Variants in PTX4 observed in about 807,000 individuals in gnomAD.
The protein encoded by PTX4 is pentraxin-4.
PTX4 carries 23 observed loss-of-function variants against 19.1 expected under a neutral mutation model. That is an observed-to-expected ratio of 1.20 (90% CI 0.87 to 1.70). PTX4 has a LOEUF of 1.70. Ranked by LOEUF, PTX4 falls within the 40% of genes most tolerant of loss-of-function variation. PTX4 has a pLI of 0.00. For synonymous variants in PTX4, 317 were observed against 279.6 expected, an observed-to-expected ratio of 1.13 and a Z score of -1.33; for missense variants, 678 against 610.5, an observed-to-expected ratio of 1.11 and a Z score of -1.17.
At chr16:1,488,072 C>A in intron 1 of PTX4, 102 bp from the exon 2 acceptor site, 1 of 1,252,412 alleles carries the variant, frequency 8.0e-7, no homozygotes. Context: ...GGCCGCGTGC[C>A]CGGGCCACGG....
rs771532922 is a variant in PTX4 at position 1,485,971 on chromosome 16, C to T, written c.1405G>A (p.Ala469Thr). 1.2e-6 allele frequency: 2 copies of T among 1,609,752 alleles called. No homozygotes were observed. The highest frequency in any genetic ancestry group is 1.7e-6 in the Non-Finnish European group (2 of 1,179,366). ...AALAGGFVQG[A>T]NCTCLERCP ...CAGCGTTCCAGGCAGGTGCAGTTGG[C>T]CCCCTGCACAAATCCGCCTGCTAGT... The change falls in exon 3 of 3, where the codon GCC (alanine) becomes ACC (threonine). Residue 469 changes from alanine to threonine, a missense_variant. Coordinates refer to ENST00000447419, the MANE Select transcript of PTX4 (RefSeq NM_001328608.2).
chr16:1,487,795 G>A lies in PTX4; in HGVS notation c.317C>T (p.Ala106Val). Residue 106 changes from alanine (A) to valine (V), a missense_variant, in exon 2 of 3, where the codon GCC (alanine) becomes GTC (valine). Ala to Val is a moderately conservative substitution (Grantham distance 64, BLOSUM62 0). Coordinates refer to ENST00000447419, the MANE Select transcript of PTX4 (RefSeq NM_001328608.2). ...TCGGCGCTGCAGCTTCCTCACCCAG[G>A]CCTTGAGCTGCGCCAGCTCCCCCTG... ...SVQGELAQLK[A>V]WVRKLQRRGR... 4.3e-6 allele frequency: 7 copies of A among 1,612,938 alleles called. No homozygotes were observed. The highest frequency in any genetic ancestry group is 5.1e-6 in the Non-Finnish European group (6 of 1,179,826).
intron 2 of PTX4, among the ~76,000 whole-genome samples, chr16:1,486,805 C>T (rs973430020): frequency 3.9e-5 from 6 of 152,200 alleles, no homozygotes; most frequent in Admixed American, 1.3e-4. Context: ...GGGCCGTACT[C>T]GGGAGTGGCG....
chr16:1,488,009 C>G (rs767385062), intron 1 of PTX4, 39 bp from the exon 2 acceptor site: 9 of 1,438,722 alleles, frequency 6.3e-6, no homozygotes, highest in East Asian at 2.4e-5. Context: ...CGGGCCGGGC[C>G]GGGCCGGCTG....
chr16:1,487,786 C>T lies in PTX4; in HGVS notation c.326G>A (p.Arg109Lys), dbSNP rs762241649. ...GELAQLKAWV[R>K]KLQRRGRKVD... ...TTTCCGGCCTCGGCGCTGCAGCTTC[C>T]TCACCCAGGCCTTGAGCTGCGCCAG... Residue 109 changes from arginine (R) to lysine (K), a missense_variant, in exon 2 of 3, where the codon AGG becomes AAG. Physicochemically the swap from Arg to Lys is conservative, Grantham distance 26. Transcript: ENST00000447419. 4.3e-6 allele frequency: 7 copies of T among 1,612,926 alleles called. No homozygotes were observed. Among genetic ancestry groups the T allele is most frequent in the Non-Finnish European group, 5.9e-6 (7 of 1,179,784 alleles).
chr16:1,487,696 T>TC lies in PTX4; in HGVS notation c.415dup (p.Glu139GlyfsTer59), dbSNP rs768341591. The TC allele has an allele frequency of 5.0e-6, 8 of 1,610,824 alleles. No individual in the cohort carries two copies. The Admixed American group carries it at 1.3e-4, about 27-fold the overall frequency. ...CCTCTGGGCCTTGTGTGCCTTCCTT[T>TC]CCCGGGCCCGCTGCTGGCTCCTCTC... On this transcript the variant is annotated frameshift_variant, in exon 2 of 3. Coordinates refer to ENST00000447419, the MANE Select transcript of PTX4 (RefSeq NM_001328608.2). LOFTEE classifies it high-confidence loss of function.
Position 1,487,766 on chromosome 16 carries a change from G to C in PTX4, c.346C>G (p.Arg116Gly). ...GCCCGCAGCCGCGTGTCTACTTTCC[G>C]GCCTCGGCGCTGCAGCTTCCTCACC... ...AWVRKLQRRGRKVDTRLRALD... is the reference protein window; with the variant it reads ...AWVRKLQRRGGKVDTRLRALD... Residue 116 changes from arginine to glycine, a missense_variant, in exon 2 of 3, where the codon CGG (arginine) becomes GGG (glycine). Transcript: ENST00000447419. 1 of 1,612,766 alleles carries C rather than the reference G, an allele frequency of 6.2e-7. No homozygotes were observed. Among genetic ancestry groups the C allele is most frequent in the Non-Finnish European group, 8.5e-7 (1 of 1,179,750 alleles).
Position 1,487,792 on chromosome 16 carries a change from C to T in PTX4, c.320G>A (p.Trp107Ter), listed in dbSNP as rs141256551. The T allele has an allele frequency of 8.1e-6, 13 of 1,612,880 alleles. No homozygotes were observed. In the African/African-American group the frequency reaches 1.3e-4, roughly 17 times the overall value. ...VQGELAQLKA[W>*]VRKLQRRGRK... The stretch of plus-strand genomic sequence containing the variant: ...GCCTCGGCGCTGCAGCTTCCTCACC[C>T]AGGCCTTGAGCTGCGCCAGCTCCCC... The change falls in exon 2 of 3, where the codon TGG (tryptophan) becomes TAG (stop). Residue 107 changes from tryptophan to a stop codon, truncating the protein, a stop_gained. Coordinates refer to ENST00000447419, the MANE Select transcript of PTX4 (RefSeq NM_001328608.2). LOFTEE classifies it high-confidence loss of function.
In PTX4 at chr16:1,485,891, A is replaced by G. The variant is rs1478770272; in HGVS notation, c.*48T>C. The stretch of plus-strand genomic sequence containing the variant: ...CGGGGAGGGCGGTGGCGGAATGTGG[A>G]TGGGGGCATGCTGCCCTTGCTGGCC... On this transcript the variant is annotated 3_prime_UTR_variant, in exon 3 of 3. Transcript: ENST00000447419. 11 of 1,548,492 alleles carry G rather than the reference A, an allele frequency of 7.1e-6. No homozygotes were observed. Among genetic ancestry groups the G allele is most frequent in the Non-Finnish European group, 9.6e-6 (11 of 1,148,026 alleles).
Position 1,487,464 on chromosome 16 carries a change from G to A in PTX4, c.648C>T (p.Ala216=). Residue 216 remains alanine (A), a synonymous_variant, in exon 2 of 3, where the codon GCC becomes GCT. Transcript: ENST00000447419. ...LQRDRQELRA[A]SEHRGPPQDS... is the part of the protein sequence containing the mutation. ...CCTGTGGGGGGCCCCTGTGCTCAGA[G>A]GCAGCTCGGAGCTCCTGCCTGTCCC... is the stretch of plus-strand genomic sequence containing the variant. 4 of 1,509,700 alleles carry A rather than the reference G, an allele frequency of 2.6e-6. No homozygotes were observed. Among genetic ancestry groups the A allele is most frequent in the Non-Finnish European group, 3.5e-6 (4 of 1,130,406 alleles). 93.5% of individuals were successfully genotyped at this position (1,509,700 alleles called of 1,614,324 possible). A position where few individuals can be genotyped will look rare whatever the true frequency, so the allele number is the denominator to read the frequency against.
intron 2 of PTX4, 63 bp downstream of exon 2, chr16:1,487,253 G>C (rs1430057339): frequency 2.4e-5 from 34 of 1,402,170 alleles, no homozygotes; most frequent in Admixed American, 8.1e-5. Context: ...TTTTCCAGGG[G>C]GCCTGGTCTA....
chr16:1,486,107 G>A lies in PTX4; in HGVS notation c.1269C>T (p.Ser423=), dbSNP rs745443034. ...GATCCCAGATAGCCAAGCCAGACAT[G>A]CTCCCCACGAAGGCCTCGGAGCTGT... ...GFDSSEAFVG[S]MSGLAIWDRA... The change falls in exon 3 of 3, where the codon AGC becomes AGT. Residue 423 remains serine, a synonymous_variant. Coordinates refer to ENST00000447419, the MANE Select transcript of PTX4 (RefSeq NM_001328608.2). 1.2e-6 allele frequency: 2 copies of A among 1,614,226 alleles called. No individual in the cohort carries two copies. The highest frequency in any genetic ancestry group is 2.2e-5 in the East Asian group (1 of 44,894).
In PTX4 at chr16:1,487,592, G is replaced by T; in HGVS notation, c.520C>A (p.Arg174=). ...GTGCCAGGGTGGGCCACGGGCAGCC[G>T]CCCCTCCAGAGCAGCCAGCCTGGCG... ...QGARLAALEG[R]LPVAHPGTAA... The change falls in exon 2 of 3, where the codon CGG becomes AGG. Residue 174 remains arginine (R), a synonymous_variant. Coordinates refer to ENST00000447419, the MANE Select transcript of PTX4 (RefSeq NM_001328608.2). 2 of 1,557,940 alleles carry T rather than the reference G, an allele frequency of 1.3e-6. No homozygotes were observed. The highest frequency in any genetic ancestry group is 3.8e-4 in the Middle Eastern group (2 of 5,226).
chr16:1,488,278 G>C, intron 1 of PTX4: 3 of 1,581,218 alleles, frequency 1.9e-6, no homozygotes, highest in Non-Finnish European at 2.6e-6. Flanking sequence ...TCCAGCTCCT[G>C]CCTGTGAGCA....
intron 2 of PTX4, 103 bp downstream of exon 2, chr16:1,487,213 G>C: frequency 4.4e-6 from 5 of 1,140,638 alleles, no homozygotes; most frequent in Admixed American, 3.2e-5. Flanking sequence ...CCCATCTCCC[G>C]GCCCCTAACT....
chr16:1,487,774 C>T lies in PTX4; in HGVS notation c.338G>A (p.Arg113His), dbSNP rs745553297. ...QLKAWVRKLQ[R>H]RGRKVDTRLR... The stretch of plus-strand genomic sequence containing the variant: ...CCGCGTGTCTACTTTCCGGCCTCGG[C>T]GCTGCAGCTTCCTCACCCAGGCCTT... The change falls in exon 2 of 3, where the codon CGC (arginine) becomes CAC (histidine). Residue 113 changes from arginine to histidine, a missense_variant. Arg to His is a conservative substitution (Grantham distance 29). Transcript: ENST00000447419. 21 of 1,612,688 alleles carry T rather than the reference C, an allele frequency of 1.3e-5. No homozygotes were observed. Among genetic ancestry groups the T allele is most frequent in the African/African-American group, 2.7e-5 (2 of 74,936 alleles).
In PTX4 at chr16:1,487,916, A is replaced by G. The variant is rs1387404936; in HGVS notation, c.196T>C (p.Tyr66His). Reference protein sequence around the residue: ...WTHLQNIASNYNVSYNVDVRF... With the variant: ...WTHLQNIASNHNVSYNVDVRF... ...ACGTCAACGTTGTAGGACACGTTGT[A>G]GTTGCTGGCGATGTTCTGCAGGTGT... Residue 66 changes from tyrosine to histidine, a missense_variant, in exon 2 of 3, where the codon TAC (tyrosine) becomes CAC (histidine). By Grantham distance (83) the Tyr-to-His change is moderately conservative. Transcript: ENST00000447419. The G allele has an allele frequency of 6.2e-7, 1 of 1,609,144 alleles. No individual in the cohort carries two copies. The highest frequency in any genetic ancestry group is 1.3e-5 in the African/African-American group (1 of 74,796).
rs759677707 is a variant in PTX4, at chr16:1,487,872, C to A, written c.240G>T (p.Ala80=). Residue 80 remains alanine, a synonymous_variant, in exon 2 of 3, where the codon GCG becomes GCT. Transcript: ENST00000447419. ...YNVDVRFRSL[A]EESQAVAQAV... ...CCTGAGCCACAGCCTGGCTCTCTTCCGCCAGGCTCCGGAACCGGACGTCAA... is the reference window on the plus strand; with the variant it reads ...CCTGAGCCACAGCCTGGCTCTCTTCAGCCAGGCTCCGGAACCGGACGTCAA... 6.2e-7 allele frequency: 1 copy of A among 1,613,050 alleles called. No individual in the cohort carries two copies.
Position 1,486,366 on chromosome 16 carries a change from G to T in PTX4, c.1010C>A (p.Ser337Tyr), listed in dbSNP as rs140852183. ...CGGGTCCCCGATCACGAAGTGGATG[G>T]ATCCGGGCAGCAGGGAGTCTCGGCC... ...LHGRDSLLPG[S>Y]IHFVIGDPAF... is the part of the protein sequence containing the mutation. The change falls in exon 3 of 3, where the codon TCC becomes TAC. Residue 337 changes from serine to tyrosine, a missense_variant. By Grantham distance (144) the Ser-to-Tyr change is moderately radical. Coordinates refer to ENST00000447419, the MANE Select transcript of PTX4 (RefSeq NM_001328608.2). 1.2e-6 allele frequency: 2 copies of T among 1,613,856 alleles called. No individual in the cohort carries two copies. The highest frequency in any genetic ancestry group is 2.7e-5 in the African/African-American group (2 of 74,956).
Sources: allele counts gnomAD v4.1 joint callset (sites outside exome capture counted in the v4.1 genomes callset), GRCh38; gene constraint gnomAD v4.1.1; transcripts MANE v1.5; gene names NCBI Gene and HGNC (gene_info 2026-07-23, HGNC 2026-07-21).